TECPR1: variants seen among roughly 807,000 people sequenced by gnomAD.
TECPR1 encodes tectonin beta-propeller repeat containing 1, also known as tectonin beta-propeller repeat-containing protein 1.
In TECPR1, 122 loss-of-function variants were observed where a neutral mutation model predicts 162.4. That is an observed-to-expected ratio of 0.75 (90% CI 0.65 to 0.87). TECPR1 has a LOEUF of 0.87. Among genes scored for constraint, TECPR1 ranks in the 40% least tolerant of loss-of-function variants. The pLI is 0.00. For synonymous variants in TECPR1, 642 were observed against 670.6 expected (o/e 0.96, Z 0.66); for missense variants, 1,432 against 1,618.2 (o/e 0.88, Z 1.97).
chr7:98,217,846 C>T (rs1298288717), intron 24 of TECPR1, 35 bp from the exon 25 acceptor site: 7 of 1,543,130 alleles, frequency 4.5e-6, no homozygotes, highest in African/African-American at 1.4e-5. Context: ...CTCAGCCCTA[C>T]CTGCAGTGGG....
At position 98,232,531 on chromosome 7, in the gene TECPR1, A is replaced by T. The variant is rs993179554; in HGVS notation, c.1818+296T>A. Among the ~76,000 whole-genome samples the T allele has an allele frequency of 6.6e-6, 1 of 151,684 alleles. No homozygotes were observed. The highest frequency in any genetic ancestry group is 1.5e-5 in the Non-Finnish European group (1 of 67,896). Reference sequence around the variant, plus strand: ...CGGGGTTCCCTCCAGCAGGAAGAGGATGACGTGGTTCCCCTCCCTGGCCAC... The same window carrying T: ...CGGGGTTCCCTCCAGCAGGAAGAGGTTGACGTGGTTCCCCTCCCTGGCCAC... On this transcript the variant is annotated intron_variant, in intron 12 of 25. Coordinates refer to ENST00000447648, the MANE Select transcript of TECPR1 (RefSeq NM_015395.3). The surrounding 1 kb of genome is among the most constrained non-coding windows in gnomAD (Gnocchi z 4.6).
At chr7:98,238,643 G>A (rs1798662574) in intron 8 of TECPR1, 33 bp from the exon 9 acceptor site, 1 of 1,518,098 alleles carries the variant, frequency 6.6e-7, no homozygotes, top group African/African-American at 1.4e-5. Flanking sequence ...TGCCTTCCTG[G>A]AGGGCCACTG....
chr7:98,236,269 G>A (rs1417546742), intron 10 of TECPR1, among the ~76,000 whole-genome samples: 1 of 152,164 alleles, frequency 6.6e-6, no homozygotes, highest in Non-Finnish European at 1.5e-5. Context: ...CAAACTCGGG[G>A]TAAGACCCGG....
chr7:98,222,281 G>A (rs1798160365), intron 22 of TECPR1, 105 bp downstream of exon 22: 26 of 1,446,334 alleles, frequency 1.8e-5, no homozygotes, highest in Admixed American at 7.0e-5. Context: ...CACTTCTGGG[G>A]GAAGTCCCAG....
Position 98,236,758 on chromosome 7 carries a change from C to T in TECPR1, c.1181+18G>A. 1 of 1,591,826 alleles carries T rather than the reference C, an allele frequency of 6.3e-7. No individual in the cohort carries two copies. Among genetic ancestry groups the T allele is most frequent in the Non-Finnish European group, 8.5e-7 (1 of 1,172,782 alleles). On this transcript the variant is annotated intron_variant, in intron 10 of 25. Transcript: ENST00000447648. Reference sequence around the variant, plus strand: ...CCATCCCAGCCTGACTCCTGCGCACCCTGCCACCCCCAGTCACCTGAGGAG... The same window carrying T: ...CCATCCCAGCCTGACTCCTGCGCACTCTGCCACCCCCAGTCACCTGAGGAG...
Position 98,245,972 on chromosome 7 carries a change from A to G in TECPR1, c.175T>C (p.Cys59Arg). ...CGGCGGATGGGGACATCGCTGGCAC[A>G]CACATACACGTAGACCTGGTTGTCA... is the stretch of plus-strand genomic sequence containing the variant. ...ACDNQVYVYV[C>R]ASDVPIRRRE... The change falls in exon 3 of 26, where the codon TGT becomes CGT. Residue 59 changes from cysteine to arginine, a missense_variant. Cys to Arg is a radical substitution (Grantham distance 180, BLOSUM62 -3). Transcript: ENST00000447648. 2.5e-6 allele frequency: 4 copies of G among 1,607,118 alleles called. No homozygotes were observed. The highest frequency in any genetic ancestry group is 3.4e-6 in the Non-Finnish European group (4 of 1,177,452).
intron 2 of TECPR1, among the ~76,000 whole-genome samples, chr7:98,248,139 G>T (rs1286219415): frequency 6.6e-6 from 1 of 152,196 alleles, no homozygotes; most frequent in East Asian, 1.9e-4. Context: ...GCACCCAGGG[G>T]TGTCCTTCCT....
rs112500961 is a variant in TECPR1 at position 98,230,483 on chromosome 7, C to T, written c.2282+478G>A. The stretch of plus-strand genomic sequence containing the variant: ...CTGCCCACTCCTGCTGGACTTCAAA[C>T]CCTACCAACTCTGCCTTGACCACGC... On this transcript the variant is annotated intron_variant, in intron 15 of 25. Transcript: ENST00000447648. Among the ~76,000 whole-genome samples the T allele has an allele frequency of 6.5e-3, 986 of 152,246 alleles. 15 individuals carry two copies. The highest frequency in any genetic ancestry group is 0.023 in the African/African-American group (952 of 41,558).
At chr7:98,246,558 C>T (rs865910631) in intron 2 of TECPR1, among the ~76,000 whole-genome samples, 9 of 152,004 alleles carry the variant, frequency 5.9e-5, no homozygotes, top group East Asian at 2.0e-4. Context: ...AGCCACCGCG[C>T]GTGGCCAACT....
rs978869072 is a variant in TECPR1, at chr7:98,232,497, C to A, written c.1818+330G>T. Reference sequence around the variant, plus strand: ...CTCCTTGCAATCACACGCTACACCCCTGGGCGCCCGGGGTTCCCTCCAGCA... The same window carrying A: ...CTCCTTGCAATCACACGCTACACCCATGGGCGCCCGGGGTTCCCTCCAGCA... On this transcript the variant is annotated intron_variant, in intron 12 of 25. Coordinates refer to ENST00000447648, the MANE Select transcript of TECPR1 (RefSeq NM_015395.3). This position sits in a 1 kb window ranked among gnomAD's most constrained non-coding sequence, Gnocchi z 4.6. Among the ~76,000 whole-genome samples, 2 of 151,706 alleles carry A rather than the reference C, an allele frequency of 1.3e-5. No individual in the cohort carries two copies. The highest frequency in any genetic ancestry group is 4.8e-5 in the African/African-American group (2 of 41,316).
rs367911984 is a variant in TECPR1 at position 98,217,422 on chromosome 7, G to C, written c.3466C>G (p.Pro1156Ala). The C allele has an allele frequency of 1.2e-6, 2 of 1,605,754 alleles. No homozygotes were observed. Among genetic ancestry groups the C allele is most frequent in the South Asian group, 2.2e-5 (2 of 90,362 alleles). ...SSSQEQEPSAPPEAHGPVCC is the reference protein window; with the variant it reads ...SSSQEQEPSAAPEAHGPVCC ...CAGACGGGGCCATGGGCCTCTGGTG[G>C]GGCACTCGGCTCCTGCTCCTGGGAC... Residue 1156 changes from proline (P) to alanine (A), a missense_variant, in exon 26 of 26, where the codon CCA (proline) becomes GCA (alanine). Coordinates refer to ENST00000447648, the MANE Select transcript of TECPR1 (RefSeq NM_015395.3).
intron 19 of TECPR1, 94 bp from the exon 20 acceptor site, chr7:98,223,812 G>C: frequency 7.2e-7 from 1 of 1,391,912 alleles, no homozygotes; most frequent in Non-Finnish European, 1.0e-6. Context: ...CCCGTTACAG[G>C]GCATGGGGAC....
intron 17 of TECPR1, among the ~76,000 whole-genome samples, chr7:98,227,681 G>A (rs2116556555): frequency 6.6e-6 from 1 of 151,542 alleles, no homozygotes; most frequent in Non-Finnish European, 1.5e-5. Flanking sequence ...AATTTGCCAG[G>A]AGTGGTGCCA....
intron 17 of TECPR1, among the ~76,000 whole-genome samples, chr7:98,225,782 T>G (rs1268990325): frequency 6.6e-6 from 1 of 152,104 alleles, no homozygotes; most frequent in African/African-American, 2.4e-5. Context: ...GCCTCCTGAG[T>G]AGCTGGGACC....
At chr7:98,231,512 T>A (rs1798435789) in intron 13 of TECPR1, 139 bp from the exon 14 acceptor site, 1 of 502,430 alleles carries the variant, frequency 2.0e-6, no homozygotes, top group East Asian at 5.2e-5. Flanking sequence ...GCCCCCTCCC[T>A]TGGTACTTCA....
intron 2 of TECPR1, among the ~76,000 whole-genome samples, chr7:98,249,146 C>T (rs547321766): frequency 2.0e-5 from 3 of 152,136 alleles, no homozygotes; most frequent in East Asian, 3.9e-4. Flanking sequence ...CAAAGTGCTA[C>T]GATTACAGGC....
rs1798248509 is a variant in TECPR1, at chr7:98,225,121, G to A, written c.2514-19C>T. The A allele has an allele frequency of 6.4e-7, 1 of 1,556,094 alleles. No individual in the cohort carries two copies. The stretch of plus-strand genomic sequence containing the variant: ...CAGACCCCTGCGGCAGGACAACAGG[G>A]CAGGTGACGAGGGAGACTGGGGAAT... On this transcript the variant is annotated intron_variant, in intron 17 of 25. Coordinates refer to ENST00000447648, the MANE Select transcript of TECPR1 (RefSeq NM_015395.3).
chr7:98,229,044 A>C lies in TECPR1; in HGVS notation c.2405T>G (p.Phe802Cys), dbSNP rs1798351547. The C allele has an allele frequency of 3.7e-6, 6 of 1,600,560 alleles. No homozygotes were observed. Among genetic ancestry groups the C allele is most frequent in the Non-Finnish European group, 5.1e-6 (6 of 1,174,036 alleles). The change falls in exon 16 of 26, where the codon TTC becomes TGC. Residue 802 changes from phenylalanine to cysteine, a missense_variant. By Grantham distance (205) the Phe-to-Cys change is radical. Transcript: ENST00000447648. ...VYTGGYGGGC[F>C]QGLASSTSNI... ...GGGCTGTGGGCCGCCCTCACCTTGG[A>C]AGCAGCCGCCTCCATAGCCGCCTGT...
chr7:98,227,976 G>A (rs892187838), intron 17 of TECPR1, 38 bp downstream of exon 17: 2 of 1,559,524 alleles, frequency 1.3e-6, no homozygotes, highest in African/African-American at 2.7e-5. Context: ...TAAGGCCTAT[G>A]CCAGGCAGCA....
Sources: gnomAD v4.1 joint callset for allele counts (sites outside exome capture counted in the v4.1 genomes callset) on GRCh38, gnomAD v4.1.1 for gene constraint, Gnocchi (gnomAD v3.1) non-coding constraint, MANE v1.5 for transcripts, NCBI Gene and HGNC (gene_info 2026-07-23, HGNC 2026-07-21) for gene names.